PCNX2: variants seen among roughly 807,000 people sequenced by gnomAD.
PCNX2 encodes pecanex 2, also known as pecanex-like protein 2.
PCNX2 carries 168 observed loss-of-function variants against 223.8 expected under a neutral mutation model. The ratio of observed to expected loss-of-function variants is 0.75; its 90% CI spans 0.66 to 0.85. The LOEUF is 0.85. Ranked by LOEUF, PCNX2 falls within the 40% of genes least tolerant of loss-of-function variation. The pLI is 0.00. For synonymous variants in PCNX2, 1,006 were observed against 1,052.6 expected (o/e 0.96, Z 0.86); for missense variants, 2,507 against 2,675.5 (o/e 0.94, Z 1.39).
intron 19 of PCNX2, among the ~76,000 whole-genome samples, chr1:233,151,788 C>A (rs945368052): frequency 6.6e-6 from 1 of 152,224 alleles, no homozygotes; most frequent in African/African-American, 2.4e-5. Context: ...GATTCTCCTG[C>A]CTCAGCTTCC....
chr1:233,062,531 A>G (rs1672444547), intron 23 of PCNX2, among the ~76,000 whole-genome samples: 1 of 152,218 alleles, frequency 6.6e-6, no homozygotes, highest in South Asian at 2.1e-4. Flanking sequence ...TTGGCATTAT[A>G]AAATGTTTTT....
intron 32 of PCNX2, among the ~76,000 whole-genome samples, chr1:232,992,953 C>T (rs189898906): frequency 1.4e-3 from 208 of 152,308 alleles, no homozygotes; most frequent in African/African-American, 4.8e-3. Flanking sequence ...GCCATGTGGA[C>T]CTGTGAGTCA....
intron 8 of PCNX2, among the ~76,000 whole-genome samples, chr1:233,238,693 C>CAAAAA: frequency 7.7e-6 from 1 of 130,644 alleles, no homozygotes; most frequent in Admixed American, 7.7e-5. Flanking sequence ...GATCCTGTCT[C>CAAAAA]AAAAAAAAAA....
At chr1:233,224,554 T>C (rs924569045) in intron 10 of PCNX2, among the ~76,000 whole-genome samples, 4 of 152,216 alleles carry the variant, frequency 2.6e-5, no homozygotes, top group Admixed American at 1.3e-4. Context: ...GTTTTTATTA[T>C]GCATATTATG....
intron 31 of PCNX2, 38 bp downstream of exon 31, chr1:232,999,067 C>G (rs776790657): frequency 5.2e-6 from 8 of 1,552,454 alleles, no homozygotes; most frequent in Non-Finnish European, 7.0e-6. Context: ...ACACCTTCCC[C>G]CAGCATCTGG....
At chr1:233,237,344 G>C (rs1211040618) in intron 8 of PCNX2, among the ~76,000 whole-genome samples, 3 of 152,092 alleles carry the variant, frequency 2.0e-5, no homozygotes, top group Non-Finnish European at 2.9e-5. Flanking sequence ...TAGTGGGCTT[G>C]ATAATTCTCC....
At chr1:233,089,966 C>G in intron 23 of PCNX2, 95 bp downstream of exon 23, 1 of 1,566,644 alleles carries the variant, frequency 6.4e-7, no homozygotes, top group South Asian at 1.2e-5. Flanking sequence ...CAGGGGGAAG[C>G]CTGGAGCCAG....
chr1:233,314,002 C>T, the PCNX2 span, among the ~76,000 whole-genome samples: 1 of 152,184 alleles, frequency 6.6e-6, no homozygotes, highest in Non-Finnish European at 1.5e-5. Context: ...ATCCCATTCG[C>T]AGGAATTTAA....
At chr1:233,197,812 A>T (rs1680823135) in intron 15 of PCNX2, among the ~76,000 whole-genome samples, 1 of 152,228 alleles carries the variant, frequency 6.6e-6, no homozygotes, top group Non-Finnish European at 1.5e-5. Context: ...ATTTAAGTTA[A>T]TCTTTTTAAA....
Position 233,160,351 on chromosome 1 carries a change from T to G in PCNX2, c.3449A>C (p.His1150Pro). 1.2e-6 allele frequency: 2 copies of G among 1,613,764 alleles called. No individual in the cohort carries two copies. Among genetic ancestry groups the G allele is most frequent in the Non-Finnish European group, 1.7e-6 (2 of 1,179,700 alleles). The change falls in exon 19 of 34, where the codon CAT becomes CCT. Residue 1150 changes from histidine to proline, a missense_variant. Physicochemically the swap from His to Pro is moderately conservative, Grantham distance 77. Around this residue, in one of 3 missense-constraint regions of PCNX2, gnomAD observed 1,372 missense variants for 1,509.4 expected, o/e 0.91. Transcript: ENST00000258229. ...GTGTGAAATCCACATCCAGGGATGA[T>G]GCTTGCGGAGCTGAGGGAGCACGTA... ...THYVLPQLRKHHPWMWISHPI... is the reference protein window; with the variant it reads ...THYVLPQLRKPHPWMWISHPI...
chr1:233,037,999 T>C (rs1012641487), intron 25 of PCNX2, among the ~76,000 whole-genome samples: 2 of 152,248 alleles, frequency 1.3e-5, no homozygotes, highest in Non-Finnish European at 2.9e-5. Context: ...AACCTGGTTA[T>C]GCAGATGTAG....
At chr1:233,319,205 T>C in the PCNX2 span, among the ~76,000 whole-genome samples, 1 of 152,280 alleles carries the variant, frequency 6.6e-6, no homozygotes, top group Admixed American at 6.5e-5. Context: ...TCCTCATCCC[T>C]CATTTTTTCA....
intron 21 of PCNX2, among the ~76,000 whole-genome samples, chr1:233,111,750 A>G (rs1558241911): frequency 1.3e-5 from 2 of 152,104 alleles, no homozygotes; most frequent in Non-Finnish European, 2.9e-5. Flanking sequence ...CCCCATTAGA[A>G]TGCACTGTCA....
intron 1 of PCNX2, among the ~76,000 whole-genome samples, chr1:233,268,005 G>A (rs866301536): frequency 2.6e-5 from 4 of 152,008 alleles, no homozygotes; most frequent in African/African-American, 4.8e-5. Context: ...TCTGCGTCCC[G>A]AGTTGAAGCA....
intron 25 of PCNX2, among the ~76,000 whole-genome samples, chr1:233,027,584 C>T (rs1384094527): frequency 1.3e-5 from 2 of 152,138 alleles, no homozygotes; most frequent in East Asian, 3.8e-4. Context: ...CTTCCTTTTA[C>T]TTGCTTTGGA....
intron 25 of PCNX2, among the ~76,000 whole-genome samples, chr1:233,040,643 C>T (rs895815875): frequency 1.3e-5 from 2 of 152,048 alleles, no homozygotes; most frequent in African/African-American, 4.8e-5. Flanking sequence ...TGGTCATTCC[C>T]ACTCCTTCTG....
chr1:233,265,458 A>G (rs560877015), intron 1 of PCNX2, among the ~76,000 whole-genome samples: 1 of 152,254 alleles, frequency 6.6e-6, no homozygotes, highest in African/African-American at 2.4e-5. Flanking sequence ...GGCTTAGACA[A>G]TTATGAGCTA....
chr1:233,032,544 G>A (rs1671306126), intron 25 of PCNX2, among the ~76,000 whole-genome samples: 1 of 151,150 alleles, frequency 6.6e-6, no homozygotes, highest in African/African-American at 2.4e-5. Context: ...CTTCTATCCA[G>A]TTCTACCATT....
chr1:233,039,689 A>G (rs1671577184), intron 25 of PCNX2, among the ~76,000 whole-genome samples: 1 of 152,210 alleles, frequency 6.6e-6, no homozygotes. Flanking sequence ...GTAATAAAAA[A>G]ACCTCAATGC....
Sources: allele counts gnomAD v4.1 joint callset (sites outside exome capture counted in the v4.1 genomes callset), GRCh38; gene constraint gnomAD v4.1.1; regional missense constraint gnomAD v4.1.1; transcripts MANE v1.5; gene names NCBI Gene and HGNC (gene_info 2026-07-23, HGNC 2026-07-21).